RO60: variants seen among roughly 807,000 people sequenced by gnomAD.
RO60 encodes Ro60, Y RNA binding protein, also known as RNA-binding protein RO60.
A neutral mutation model predicts 55.3 loss-of-function variants in RO60; 20 were observed. That is an observed-to-expected ratio of 0.36 (90% CI 0.25 to 0.53). The LOEUF is 0.53. RO60 is among the 20% of genes least tolerant of loss of function. The probability of loss-of-function intolerance (pLI) is 0.92; values close to 1 mark genes in which losing one functional copy is unlikely to be tolerated. For synonymous variants in RO60, 213 were observed against 213.6 expected (o/e 1.00, Z 0.02); for missense variants, 558 against 646.6 (o/e 0.86, Z 1.49).
Position 193,085,031 on chromosome 1 carries a change from C to A in RO60, c.*300C>A. On this transcript the variant is annotated 3_prime_UTR_variant, in exon 9 of 9. Transcript: ENST00000400968. ...TGCTTTGTTGAATAATACGTGTGTA[C>A]CTAAAAGAGGTAAGAGCAAAAAGTG... 1 of 1,532,156 alleles carries A rather than the reference C, an allele frequency of 6.5e-7. No individual in the cohort carries two copies. Among genetic ancestry groups the A allele is most frequent in the Non-Finnish European group, 8.8e-7 (1 of 1,142,084 alleles). 94.9% of individuals were successfully genotyped at this position (1,532,156 alleles called of 1,614,324 possible).
In RO60 at chr1:193,090,449, T is replaced by TA. The variant is rs1218856263; in HGVS notation, c.*5719dup. The TA allele has an allele frequency of 1.3e-5, 2 of 151,656 alleles. No individual in the cohort carries two copies. The highest frequency in any genetic ancestry group is 2.9e-5 in the Non-Finnish European group (2 of 67,932). 9.4% of individuals were successfully genotyped at this position (151,656 alleles called of 1,614,324 possible). A position where few individuals can be genotyped will look rare whatever the true frequency, so the allele number is the denominator to read the frequency against. On this transcript the variant is annotated 3_prime_UTR_variant, in exon 9 of 9. Coordinates refer to ENST00000400968, the MANE Select transcript of RO60 (RefSeq NM_001173524.2). ...TGTTACTCTGAATATGGACTCTCTATATCTGGTATGGCGTGACTGGGCATA... is the reference window on the plus strand; with the variant it reads ...TGTTACTCTGAATATGGACTCTCTATAATCTGGTATGGCGTGACTGGGCATA...
downstream of RO60, chr1:193,091,482 C>A (rs1674854991): frequency 1.7e-6 from 1 of 598,852 alleles, no homozygotes; most frequent in East Asian, 3.2e-5. Context: ...TGTTGATAAA[C>A]TAACTGATGC....
At position 193,059,648 on chromosome 1, in the gene RO60, G is replaced by A. The variant is rs1298708164; in HGVS notation, c.-150G>A. ...GGAACCGAACCTGGAATCCCCGGCG[G>A]CAGTGGGGCTGTTGCTGTTGCTGTG... On this transcript the variant is annotated 5_prime_UTR_variant, in exon 1 of 9. Coordinates refer to ENST00000400968, the MANE Select transcript of RO60 (RefSeq NM_001173524.2). The surrounding 1 kb of genome is among the most constrained non-coding windows in gnomAD (Gnocchi z 4.9). 1 of 1,388,420 alleles carries A rather than the reference G, an allele frequency of 7.2e-7. No homozygotes were observed. The highest frequency in any genetic ancestry group is 9.6e-7 in the Non-Finnish European group (1 of 1,037,818). 86.0% of individuals were successfully genotyped at this position (1,388,420 alleles called of 1,614,324 possible). A position where few individuals can be genotyped will look rare whatever the true frequency, so the allele number is the denominator to read the frequency against.
intron 2 of RO60, among the ~76,000 whole-genome samples, chr1:193,074,147 T>C (rs976308174): frequency 3.3e-5 from 5 of 152,184 alleles, no homozygotes; most frequent in African/African-American, 7.2e-5. Flanking sequence ...TGCTGGACAT[T>C]TGGGCTGGTT....
chr1:193,084,584 G>A lies in RO60; in HGVS notation c.1470G>A (p.Met490Ile), dbSNP rs995180212. 6.2e-7 allele frequency: 1 copy of A among 1,609,432 alleles called. No individual in the cohort carries two copies. The highest frequency in any genetic ancestry group is 1.3e-5 in the African/African-American group (1 of 74,678). Residue 490 changes from methionine (M) to isoleucine (I), a missense_variant, in exon 9 of 9, where the codon ATG (methionine) becomes ATA (isoleucine). Coordinates refer to ENST00000400968, the MANE Select transcript of RO60 (RefSeq NM_001173524.2). Reference protein sequence around the residue: ...AIALREYRKKMDIPAKLIVCG... With the variant: ...AIALREYRKKIDIPAKLIVCG... ...ATTTTGGTCTTTTTCTACAGAAAAT[G>A]GATATTCCAGCTAAATTGATTGTTT... is the stretch of plus-strand genomic sequence containing the variant.
Position 193,087,459 on chromosome 1 carries a change from A to G in RO60, c.*2728A>G, listed in dbSNP as rs1558258686. 2 of 152,152 alleles carry G rather than the reference A, an allele frequency of 1.3e-5. No individual in the cohort carries two copies. The highest frequency in any genetic ancestry group is 2.9e-5 in the Non-Finnish European group (2 of 68,004). 9.4% of individuals were successfully genotyped at this position (152,152 alleles called of 1,614,324 possible). ...ATAATCCCACCCTTTATTAGTTGAA[A>G]GTTCTTGGAAATTCCATTTATTAAT... On this transcript the variant is annotated 3_prime_UTR_variant, in exon 9 of 9. Coordinates refer to ENST00000400968, the MANE Select transcript of RO60 (RefSeq NM_001173524.2).
At chr1:193,091,365 C>A, downstream of RO60, 1 of 281,910 alleles carries the variant, frequency 3.5e-6, no homozygotes. Flanking sequence ...TGAAATAAAA[C>A]TTTAAATTGT....
intron 1 of RO60, among the ~76,000 whole-genome samples, chr1:193,061,095 C>T (rs953937559): frequency 6.6e-6 from 1 of 152,158 alleles, no homozygotes; most frequent in Non-Finnish European, 1.5e-5. Flanking sequence ...ATTATGTTAA[C>T]GTTTAATCCT....
intron 1 of RO60, among the ~76,000 whole-genome samples, chr1:193,065,199 A>C (rs1453925643): frequency 2.6e-5 from 4 of 152,236 alleles, no homozygotes; most frequent in Non-Finnish European, 4.4e-5. Context: ...ATTTGGCTTT[A>C]AGTATGTATT....
At chr1:193,065,706 G>C (rs1198220358) in intron 1 of RO60, among the ~76,000 whole-genome samples, 2 of 152,046 alleles carry the variant, frequency 1.3e-5, no homozygotes, top group Non-Finnish European at 2.9e-5. Flanking sequence ...TAGGAGAACA[G>C]GCATCCACTG....
chr1:193,063,707 T>TA (rs1672932757), intron 1 of RO60, among the ~76,000 whole-genome samples: 1 of 152,164 alleles, frequency 6.6e-6, no homozygotes, highest in Admixed American at 6.5e-5. Flanking sequence ...TCCCACAAAT[T>TA]AAAGGACAAG....
intron 5 of RO60, among the ~76,000 whole-genome samples, chr1:193,081,098 A>T (rs765854545): frequency 6.6e-6 from 1 of 152,144 alleles, no homozygotes; most frequent in Non-Finnish European, 1.5e-5. Flanking sequence ...TAAAAATAGG[A>T]TGGTAACTTA....
chr1:193,072,798 A>T (rs1314542932), intron 2 of RO60, among the ~76,000 whole-genome samples: 3 of 152,186 alleles, frequency 2.0e-5, no homozygotes, highest in Non-Finnish European at 4.4e-5. Context: ...GAAAATAATT[A>T]TTCTGTGCTT....
intron 4 of RO60, 51 bp from the exon 5 acceptor site, chr1:193,076,862 T>G: frequency 3.2e-6 from 5 of 1,558,294 alleles, no homozygotes; most frequent in Non-Finnish European, 4.4e-6. Flanking sequence ...ATCTAAGGAG[T>G]ATACATAATC....
At chr1:193,072,841 A>T (rs1167663357) in intron 2 of RO60, among the ~76,000 whole-genome samples, 2 of 152,218 alleles carry the variant, frequency 1.3e-5, no homozygotes, top group African/African-American at 4.8e-5. Flanking sequence ...AGGAATTAGT[A>T]GATGTTTCCT....
chr1:193,081,584 T>A (rs993281227), intron 6 of RO60, 104 bp downstream of exon 6: 2 of 647,702 alleles, frequency 3.1e-6, no homozygotes, highest in Non-Finnish European at 5.3e-6. Flanking sequence ...CTTTTTTCTG[T>A]CATTTCAGCT....
chr1:193,089,751 T>G lies in RO60; in HGVS notation c.*5020T>G, dbSNP rs1674777788. The G allele has an allele frequency of 6.6e-6, 1 of 152,124 alleles. No homozygotes were observed. The highest frequency in any genetic ancestry group is 2.1e-4 in the South Asian group (1 of 4,834). 9.4% of individuals were successfully genotyped at this position (152,124 alleles called of 1,614,324 possible). On this transcript the variant is annotated 3_prime_UTR_variant, in exon 9 of 9. Transcript: ENST00000400968. ...GATTTTTCCCTTTGCTTCTGTTTTA[T>G]TTAGCCCTGCCATGCACCACATTAA...
In RO60 at chr1:193,084,986, C is replaced by T. The variant is rs1674558284; in HGVS notation, c.*255C>T. 1 of 1,544,158 alleles carries T rather than the reference C, an allele frequency of 6.5e-7. No individual in the cohort carries two copies. The highest frequency in any genetic ancestry group is 2.0e-5 in the Admixed American group (1 of 49,836). On this transcript the variant is annotated 3_prime_UTR_variant, in exon 9 of 9. Transcript: ENST00000400968. Reference sequence around the variant, plus strand: ...TATCTAATAGAGAACTTTTTGTTAACAGACACTGTAAAATAGTTTTGCTTT... The same window carrying T: ...TATCTAATAGAGAACTTTTTGTTAATAGACACTGTAAAATAGTTTTGCTTT...
Position 193,075,806 on chromosome 1 carries a change from T to G in RO60, c.581-14T>G. ...TAATCCTGCATGCTTTTTCAATTCTTTATCTTGTTAAAGGACTTGCAATTG... is the reference window on the plus strand; with the variant it reads ...TAATCCTGCATGCTTTTTCAATTCTGTATCTTGTTAAAGGACTTGCAATTG... On this transcript the variant is annotated splice_polypyrimidine_tract_variant and intron_variant, in intron 2 of 8. Transcript: ENST00000400968. The G allele has an allele frequency of 6.4e-7, 1 of 1,570,394 alleles. No homozygotes were observed. The highest frequency in any genetic ancestry group is 8.6e-7 in the Non-Finnish European group (1 of 1,158,292).
Sources: gnomAD v4.1 joint callset for allele counts (sites outside exome capture counted in the v4.1 genomes callset) on GRCh38, gnomAD v4.1.1 for gene constraint, Gnocchi (gnomAD v3.1) non-coding constraint, MANE v1.5 for transcripts, NCBI Gene and HGNC (gene_info 2026-07-23, HGNC 2026-07-21) for gene names.